Variants in UTRN observed in about 807,000 individuals in gnomAD.
The protein encoded by UTRN is utrophin.
In UTRN, 283 loss-of-function variants were observed where a neutral mutation model predicts 463.9. The observed-to-expected ratio is 0.61, with a 90% confidence interval of 0.55 to 0.67. The LOEUF (loss-of-function observed/expected upper bound fraction) is 0.67. UTRN is among the 30% of genes least tolerant of loss of function. The pLI, the probability that UTRN is intolerant of heterozygous loss-of-function variation, is 0.00. For synonymous variants in UTRN, 1,442 were observed against 1,431.5 expected (o/e 1.01, Z -0.17); for missense variants, 3,922 against 4,084.3 (o/e 0.96, Z 1.08).
intron 2 of UTRN, among the ~76,000 whole-genome samples, chr6:144,397,058 A>G (rs1782499329): frequency 6.6e-6 from 1 of 152,164 alleles, no homozygotes; most frequent in African/African-American, 2.4e-5. Flanking sequence ...AGCCTGGCCA[A>G]GATGGTGAAA....
Position 144,803,166 on chromosome 6 carries a change from T to G in UTRN, c.9357+19T>G. The G allele has an allele frequency of 1.4e-6, 2 of 1,436,772 alleles. No homozygotes were observed. The highest frequency in any genetic ancestry group is 1.8e-6 in the Non-Finnish European group (2 of 1,084,818). 89.0% of individuals were successfully genotyped at this position (1,436,772 alleles called of 1,614,324 possible). ...TATACCTGTGAGTACTAACCCACTG[T>G]TTTGTTTTTAATACATTGCCATTGA... On this transcript the variant is annotated intron_variant, in intron 65 of 74. Coordinates refer to ENST00000367545, the MANE Select transcript of UTRN (RefSeq NM_007124.3).
intron 51 of UTRN, among the ~76,000 whole-genome samples, chr6:144,669,003 A>AC (rs1426662420): frequency 2.0e-5 from 3 of 152,184 alleles, no homozygotes; most frequent in Non-Finnish European, 4.4e-5. Context: ...GGAGACTCAC[A>AC]CCACATCTTC....
chr6:144,623,944 A>G (rs1057158193), intron 51 of UTRN, among the ~76,000 whole-genome samples: 26 of 152,230 alleles, frequency 1.7e-4, no homozygotes, highest in African/African-American at 5.8e-4. Context: ...CAAGTAGAAG[A>G]AAGTAATCAT....
chr6:144,648,529 T>C (rs899246585), intron 51 of UTRN, among the ~76,000 whole-genome samples: 2 of 152,188 alleles, frequency 1.3e-5, no homozygotes, highest in African/African-American at 4.8e-5. Flanking sequence ...ATTTAAAGTA[T>C]GACTAAAAAA....
chr6:144,429,632 C>T lies in UTRN; in HGVS notation c.746C>T (p.Ser249Phe), dbSNP rs370963904. 1.4e-5 allele frequency: 23 copies of T among 1,612,370 alleles called. No individual in the cohort carries two copies. The African/African-American group carries it at 2.5e-4, about 18-fold the overall frequency. Reference protein sequence around the residue: ...DKKSIIMYLTSLFEVLPQQVT... With the variant: ...DKKSIIMYLTFLFEVLPQQVT... ...AAATCCATAATTATGTATTTAACAT[C>T]TTTGTTTGAGGTGCTACCTCAGCAA... The change falls in exon 9 of 75, where the codon TCT becomes TTT. Residue 249 changes from serine to phenylalanine, a missense_variant. Transcript: ENST00000367545.
At chr6:144,675,190 C>T (rs1781466877) in intron 51 of UTRN, among the ~76,000 whole-genome samples, 1 of 152,158 alleles carries the variant, frequency 6.6e-6, no homozygotes, top group Non-Finnish European at 1.5e-5. Context: ...AGGGATGGGG[C>T]TTCCTGAGAA....
intron 54 of UTRN, among the ~76,000 whole-genome samples, chr6:144,737,069 C>G (rs186417268): frequency 6.6e-6 from 1 of 152,304 alleles, no homozygotes; most frequent in East Asian, 1.9e-4. Context: ...ATGTCTGTGT[C>G]TGAAGCTTGG....
chr6:144,590,866 ACACACACACGCACATG>A (rs1462950294), intron 51 of UTRN, among the ~76,000 whole-genome samples: 1 of 127,960 alleles, frequency 7.8e-6, no homozygotes, highest in East Asian at 2.1e-4. Context: ...ACACACACAC[ACACACACACGCACATG>A]CACACACACA....
chr6:144,830,932 G>A (rs1294359775), intron 69 of UTRN, among the ~76,000 whole-genome samples: 1 of 152,022 alleles, frequency 6.6e-6, no homozygotes, highest in African/African-American at 2.4e-5. Flanking sequence ...CTTGAAATTG[G>A]CCATGATCAA....
At chr6:144,551,597 A>G (rs1253961359) in intron 48 of UTRN, among the ~76,000 whole-genome samples, 1 of 152,224 alleles carries the variant, frequency 6.6e-6, no homozygotes, top group Non-Finnish European at 1.5e-5. Context: ...ATAAACATAC[A>G]AAACAATAGC....
At chr6:144,591,400 T>C (rs929607311) in intron 51 of UTRN, among the ~76,000 whole-genome samples, 2 of 152,210 alleles carry the variant, frequency 1.3e-5, no homozygotes, top group Admixed American at 1.3e-4. Flanking sequence ...GGGCTTGTGA[T>C]AGAAGATCCT....
At chr6:144,467,021 T>G (rs1165293558) in intron 23 of UTRN, among the ~76,000 whole-genome samples, 1 of 152,262 alleles carries the variant, frequency 6.6e-6, no homozygotes, top group African/African-American at 2.4e-5. Flanking sequence ...AGAGTTGTAC[T>G]TCTGAAAGGA....
chr6:144,773,220 G>A (rs968669535), intron 59 of UTRN, among the ~76,000 whole-genome samples: 21 of 152,084 alleles, frequency 1.4e-4, no homozygotes, highest in Admixed American at 1.2e-3. Context: ...AAAAGGGCAG[G>A]AAAACCAAAT....
intron 71 of UTRN, 92 bp from the exon 72 acceptor site, chr6:144,839,081 C>T: frequency 3.3e-6 from 3 of 914,202 alleles, no homozygotes; most frequent in Non-Finnish European, 3.4e-6. Context: ...ATTTAATTAT[C>T]CATGGTGAGG....
rs1415310372 is a variant in UTRN, at chr6:144,474,670, C to A, written c.3247C>A (p.Leu1083Ile). 5 of 1,613,784 alleles carry A rather than the reference C, an allele frequency of 3.1e-6. No homozygotes were observed. Among genetic ancestry groups the A allele is most frequent in the South Asian group, 2.2e-5 (2 of 91,046 alleles). The change falls in exon 25 of 75, where the codon CTT (leucine) becomes ATT (isoleucine). Residue 1083 changes from leucine to isoleucine, a missense_variant. Coordinates refer to ENST00000367545, the MANE Select transcript of UTRN (RefSeq NM_007124.3). Reference protein sequence around the residue: ...LKNMKEIETNLRSGPVAGIKT... With the variant: ...LKNMKEIETNIRSGPVAGIKT... ...AAACATGAAGGAAATAGAGACTAAT[C>A]TTCGAAGTGGTCCAGTTGCTGGAAT... is the stretch of plus-strand genomic sequence containing the variant.
At chr6:144,751,337 A>C (rs557485249) in intron 55 of UTRN, among the ~76,000 whole-genome samples, 4 of 152,230 alleles carry the variant, frequency 2.6e-5, no homozygotes, top group Non-Finnish European at 4.4e-5. Flanking sequence ...AAAAGTTTGA[A>C]TTATAATTTT....
At chr6:144,413,900 T>A (rs990336399) in intron 3 of UTRN, among the ~76,000 whole-genome samples, 11 of 152,122 alleles carry the variant, frequency 7.2e-5, no homozygotes, top group Non-Finnish European at 1.3e-4. Flanking sequence ...ACCTCCCCTG[T>A]TCAAGCGATT....
At chr6:144,616,875 C>T (rs1049855139) in intron 51 of UTRN, among the ~76,000 whole-genome samples, 1 of 152,260 alleles carries the variant, frequency 6.6e-6, no homozygotes, top group African/African-American at 2.4e-5. Flanking sequence ...GCAGCCAGCC[C>T]GCCATAGCGT....
chr6:144,454,531 T>G (rs1788634479), intron 19 of UTRN, among the ~76,000 whole-genome samples: 1 of 152,128 alleles, frequency 6.6e-6, no homozygotes, highest in South Asian at 2.1e-4. Context: ...GGTAAGCACT[T>G]TGGAAGGCTG....
Sources: allele counts gnomAD v4.1 joint callset (sites outside exome capture counted in the v4.1 genomes callset), GRCh38; gene constraint gnomAD v4.1.1; transcripts MANE v1.5; gene names NCBI Gene and HGNC (gene_info 2026-07-23, HGNC 2026-07-21).